Variants in CLVS1 observed in about 807,000 individuals in gnomAD.
The protein encoded by CLVS1 is clavesin 1.
CLVS1 carries 10 observed loss-of-function variants against 33.1 expected under a neutral mutation model. The ratio of observed to expected loss-of-function variants is 0.30; its 90% CI spans 0.19 to 0.51. The LOEUF (loss-of-function observed/expected upper bound fraction) is 0.51. Ranked by LOEUF, CLVS1 falls within the 20% of genes least tolerant of loss-of-function variation. The pLI is 0.97. For missense variants in CLVS1, 343 were observed against 433.4 expected (o/e 0.79, Z 1.85); for synonymous variants, 163 against 166.1 (o/e 0.98, Z 0.14).
chr8:61,036,410 CAA>C, the CLVS1 span, among the ~76,000 whole-genome samples: 26 of 152,296 alleles, frequency 1.7e-4, no homozygotes, highest in Non-Finnish European at 3.7e-4. Flanking sequence ...ACCTGGGAAA[CAA>C]GAGGTGACTT....
chr8:61,353,789 T>C (rs937334062), intron 2 of CLVS1, among the ~76,000 whole-genome samples: 2 of 148,372 alleles, frequency 1.3e-5, no homozygotes, highest in African/African-American at 4.9e-5. Flanking sequence ...AGAAAATCCA[T>C]GCAAAAAGTT....
At chr8:61,173,049 G>A (rs566820656) in intron 2 of CLVS1, among the ~76,000 whole-genome samples, 5 of 152,144 alleles carry the variant, frequency 3.3e-5, no homozygotes, top group Non-Finnish European at 7.4e-5. Flanking sequence ...TGGCAAACTA[G>A]GAAAATTCTG....
chr8:61,358,468 C>A (rs1812835910), intron 2 of CLVS1, among the ~76,000 whole-genome samples: 1 of 152,154 alleles, frequency 6.6e-6, no homozygotes. Flanking sequence ...CTGAACTGCC[C>A]AATCAGTATG....
intron 2 of CLVS1, among the ~76,000 whole-genome samples, chr8:61,364,179 T>G (rs934059893): frequency 6.6e-6 from 1 of 152,220 alleles, no homozygotes; most frequent in Non-Finnish European, 1.5e-5. Context: ...TTGTTACTTG[T>G]TAGCCACCAC....
At chr8:61,076,153 A>G (rs1379916689) in intron 1 of CLVS1, among the ~76,000 whole-genome samples, 1 of 152,050 alleles carries the variant, frequency 6.6e-6, no homozygotes, top group Non-Finnish European at 1.5e-5. Context: ...TCTTTCATTT[A>G]TTTATTCTTT....
At chr8:61,070,769 G>C (rs529320097) in intron 1 of CLVS1, among the ~76,000 whole-genome samples, 44 of 152,334 alleles carry the variant, frequency 2.9e-4, no homozygotes, top group African/African-American at 8.9e-4. Context: ...GAGCCCAGGA[G>C]ATCAAGGCTA....
upstream of CLVS1, among the ~76,000 whole-genome samples, chr8:61,055,659 C>A (rs970286268): frequency 3.3e-5 from 5 of 152,208 alleles, no homozygotes; most frequent in African/African-American, 4.8e-5. Flanking sequence ...AGCAGACAGG[C>A]CTTCCCTTCT....
At chr8:61,115,398 T>G (rs62524516) in intron 1 of CLVS1, among the ~76,000 whole-genome samples, 3,146 of 152,024 alleles carry the variant, frequency 0.021, 56 homozygotes, top group Middle Eastern at 0.075. Context: ...TATTATACTT[T>G]AAGTTTTAGG....
At chr8:61,007,585 A>G in the CLVS1 span, among the ~76,000 whole-genome samples, 1 of 152,206 alleles carries the variant, frequency 6.6e-6, no homozygotes, top group Non-Finnish European at 1.5e-5. Context: ...CCTAAATGCA[A>G]GCCTGGTTTA....
At chr8:61,231,088 T>C (rs1363602518) in intron 2 of CLVS1, among the ~76,000 whole-genome samples, 1 of 152,166 alleles carries the variant, frequency 6.6e-6, no homozygotes, top group East Asian at 1.9e-4. Context: ...TATAGTAGTA[T>C]GCAAAACTGG....
intron 5 of CLVS1, among the ~76,000 whole-genome samples, chr8:61,493,041 T>C (rs1335269101): frequency 1.3e-5 from 2 of 152,216 alleles, no homozygotes; most frequent in African/African-American, 4.8e-5. Context: ...ACCATAACTA[T>C]ATTGCACTGA....
chr8:61,224,822 A>G (rs1808294174), intron 2 of CLVS1, among the ~76,000 whole-genome samples: 1 of 152,216 alleles, frequency 6.6e-6, no homozygotes, highest in Non-Finnish European at 1.5e-5. Flanking sequence ...ATATGCACCC[A>G]ATACAGGAGC....
chr8:61,083,044 G>A (rs1290467496), intron 1 of CLVS1, among the ~76,000 whole-genome samples: 2 of 152,230 alleles, frequency 1.3e-5, no homozygotes, highest in Admixed American at 6.5e-5. Flanking sequence ...CATTAAGGAG[G>A]TTTGTCACCA....
At chr8:61,009,966 A>G in the CLVS1 span, among the ~76,000 whole-genome samples, 12 of 152,292 alleles carry the variant, frequency 7.9e-5, no homozygotes, top group Admixed American at 3.3e-4. Flanking sequence ...CATTTGCTTG[A>G]TATTATTACC....
intron 2 of CLVS1, among the ~76,000 whole-genome samples, chr8:61,211,477 CT>C (rs1807969764): frequency 6.6e-6 from 1 of 151,726 alleles, no homozygotes; most frequent in Admixed American, 6.6e-5. Context: ...CTGCCTCCCC[CT>C]CTCCTCCTCC....
intron 2 of CLVS1, among the ~76,000 whole-genome samples, chr8:61,246,807 T>TA (rs1226460275): frequency 2.6e-5 from 4 of 152,124 alleles, no homozygotes; most frequent in African/African-American, 4.8e-5. Flanking sequence ...TTTCTTTTTT[T>TA]AAAAAAATTT....
chr8:61,132,433 G>C (rs1313004344), intron 2 of CLVS1, among the ~76,000 whole-genome samples: 1 of 152,244 alleles, frequency 6.6e-6, no homozygotes, highest in Non-Finnish European at 1.5e-5. Context: ...CGCGGGCTGA[G>C]GCTTTGGGCA....
chr8:61,363,152 T>C (rs1379008818), intron 2 of CLVS1, among the ~76,000 whole-genome samples: 1 of 152,208 alleles, frequency 6.6e-6, no homozygotes, highest in Non-Finnish European at 1.5e-5. Context: ...TTCTAAGCAG[T>C]CTTCTCAAGG....
chr8:61,166,263 G>C (rs928653407), intron 2 of CLVS1, among the ~76,000 whole-genome samples: 16 of 152,136 alleles, frequency 1.1e-4, no homozygotes, highest in Admixed American at 8.5e-4. Context: ...AAGTACCTGG[G>C]ATTACAGGCA....
Sources: gnomAD v4.1 joint callset for allele counts (sites outside exome capture counted in the v4.1 genomes callset) on GRCh38, gnomAD v4.1.1 for gene constraint, MANE v1.5 for transcripts, NCBI Gene and HGNC (gene_info 2026-07-23, HGNC 2026-07-21) for gene names.